Variants in CADM2 observed in about 807,000 individuals in gnomAD.
CADM2 encodes the protein cell adhesion molecule 2.
In CADM2, 12 loss-of-function variants were observed where a neutral mutation model predicts 49.8. The ratio of observed to expected loss-of-function variants is 0.24; its 90% CI spans 0.15 to 0.39. CADM2 has a LOEUF of 0.39. Among genes scored for constraint, CADM2 ranks in the 10% least tolerant of loss-of-function variants. The pLI, the probability that CADM2 is intolerant of heterozygous loss-of-function variation, is 1.00. For missense variants in CADM2, 378 were observed against 492.3 expected (o/e 0.77, Z 2.20); for synonymous variants, 214 against 175.4 (o/e 1.22, Z -1.74).
At chr3:84,994,708 C>A (rs75539531) in intron 1 of CADM2, among the ~76,000 whole-genome samples, 2,271 of 152,180 alleles carry the variant, frequency 0.015, 29 homozygotes, top group Middle Eastern at 0.048. Flanking sequence ...TTTGGATATA[C>A]ATAAAATTTT....
intron 1 of CADM2, among the ~76,000 whole-genome samples, chr3:85,082,521 T>C (rs2037205152): frequency 1.3e-5 from 2 of 152,284 alleles, no homozygotes; most frequent in South Asian, 4.1e-4. Context: ...AGCCCTTTGC[T>C]CTTTGTAGTT....
At chr3:86,060,209 A>C (rs1738459388) in intron 8 of CADM2, among the ~76,000 whole-genome samples, 1 of 149,068 alleles carries the variant, frequency 6.7e-6, no homozygotes, top group African/African-American at 2.5e-5. Flanking sequence ...TTAACAGATC[A>C]AATCGTTTTA....
intron 1 of CADM2, among the ~76,000 whole-genome samples, chr3:85,089,379 A>C (rs1202041596): frequency 6.6e-6 from 1 of 152,106 alleles, no homozygotes; most frequent in African/African-American, 2.4e-5. Flanking sequence ...ACTACAATGA[A>C]GTAATTTGAG....
intron 8 of CADM2, among the ~76,000 whole-genome samples, chr3:86,062,912 T>A (rs1198700898): frequency 6.6e-6 from 1 of 151,990 alleles, no homozygotes; most frequent in East Asian, 1.9e-4. Context: ...GAGGCTTACA[T>A]GTGTGAGGTA....
At chr3:85,331,466 ACT>A (rs2044922872) in intron 1 of CADM2, among the ~76,000 whole-genome samples, 2 of 151,138 alleles carry the variant, frequency 1.3e-5, no homozygotes, top group African/African-American at 2.4e-5. Flanking sequence ...TTTTCTCATG[ACT>A]CTATTTTGTG....
intron 1 of CADM2, among the ~76,000 whole-genome samples, chr3:85,292,702 C>T (rs1325494181): frequency 1.3e-4 from 19 of 151,708 alleles, no homozygotes; most frequent in African/African-American, 3.6e-4. Context: ...GGGTACATAA[C>T]GAAATGAAGG....
intron 1 of CADM2, among the ~76,000 whole-genome samples, chr3:85,562,410 A>G (rs4856589): frequency 0.51 from 76,039 of 147,688 alleles, 22,472 homozygotes; most frequent in East Asian, 0.85. Context: ...CCCGGGAGGC[A>G]GAAGTTGCAG....
chr3:85,475,827 TTA>T (rs2038953328), intron 1 of CADM2, among the ~76,000 whole-genome samples: 2 of 151,950 alleles, frequency 1.3e-5, no homozygotes. Context: ...CCTAGATGTT[TTA>T]TGTTTCTAAA....
intron 8 of CADM2, among the ~76,000 whole-genome samples, chr3:86,064,019 T>G (rs1211365903): frequency 1.3e-5 from 2 of 151,924 alleles, no homozygotes; most frequent in Non-Finnish European, 2.9e-5. Context: ...CTGGGTATTC[T>G]TTTGACCTTT....
chr3:85,223,688 T>C (rs2042088787), intron 1 of CADM2, among the ~76,000 whole-genome samples: 1 of 152,122 alleles, frequency 6.6e-6, no homozygotes. Context: ...TGTGCCATGT[T>C]GGTTTGCTAC....
intron 1 of CADM2, among the ~76,000 whole-genome samples, chr3:85,137,344 T>C (rs1410432354): frequency 2.6e-5 from 4 of 152,018 alleles, no homozygotes; most frequent in African/African-American, 4.8e-5. Context: ...TCAAAAATAT[T>C]ATTTTTGCAG....
At chr3:85,432,832 A>G (rs2036744785) in intron 1 of CADM2, among the ~76,000 whole-genome samples, 1 of 152,252 alleles carries the variant, frequency 6.6e-6, no homozygotes, top group Non-Finnish European at 1.5e-5. Context: ...CTAAGTTTTG[A>G]AACCTCTAAT....
chr3:85,777,645 T>C (rs1038076256), intron 2 of CADM2, among the ~76,000 whole-genome samples: 18 of 152,158 alleles, frequency 1.2e-4, no homozygotes, highest in African/African-American at 4.1e-4. Flanking sequence ...TCTTACTCTT[T>C]CTCATTTCAA....
intron 1 of CADM2, among the ~76,000 whole-genome samples, chr3:85,335,660 C>A (rs1175747864): frequency 1.3e-5 from 2 of 151,182 alleles, no homozygotes; most frequent in Non-Finnish European, 3.0e-5. Flanking sequence ...AATGATATAA[C>A]AAAGTTTATA....
intron 8 of CADM2, among the ~76,000 whole-genome samples, chr3:85,996,052 T>A (rs1729371317): frequency 6.7e-6 from 1 of 149,658 alleles, no homozygotes; most frequent in Non-Finnish European, 1.5e-5. Context: ...ATCGTGCCAC[T>A]GCACTCCAGC....
At chr3:85,474,410 ATATTCAT>A (rs2038896032) in intron 1 of CADM2, among the ~76,000 whole-genome samples, 1 of 151,914 alleles carries the variant, frequency 6.6e-6, no homozygotes, top group South Asian at 2.1e-4. Context: ...TACCCACGTC[ATATTCAT>A]TATGGAAGGT....
At chr3:85,224,008 G>A (rs2042096942) in intron 1 of CADM2, among the ~76,000 whole-genome samples, 1 of 152,130 alleles carries the variant, frequency 6.6e-6, no homozygotes. Flanking sequence ...TATCACTGAT[G>A]AGCATTTGGG....
At chr3:85,913,253 C>G (rs1717858488) in intron 6 of CADM2, among the ~76,000 whole-genome samples, 1 of 151,906 alleles carries the variant, frequency 6.6e-6, no homozygotes, top group Non-Finnish European at 1.5e-5. Flanking sequence ...GTTTTAGTAC[C>G]TAGCAAGGTT....
intron 1 of CADM2, among the ~76,000 whole-genome samples, chr3:85,415,638 A>AT (rs148601260): frequency 2.6e-4 from 39 of 152,254 alleles, no homozygotes; most frequent in East Asian, 1.7e-3. Context: ...ACTTTACAAG[A>AT]TTTTCCTAAC....
Sources: allele counts gnomAD v4.1 joint callset (sites outside exome capture counted in the v4.1 genomes callset), GRCh38; gene constraint gnomAD v4.1.1; transcripts MANE v1.5; gene names NCBI Gene and HGNC (gene_info 2026-07-23, HGNC 2026-07-21).